PIGU: variants seen among roughly 807,000 people sequenced by gnomAD.
PIGU encodes GPI-anchor transamidase component PIGU.
A neutral mutation model predicts 49.9 loss-of-function variants in PIGU; 24 were observed. The ratio of observed to expected loss-of-function variants is 0.48; its 90% confidence interval spans 0.35 to 0.68. The LOEUF (loss-of-function observed/expected upper bound fraction) is 0.68. PIGU is among the 30% of genes least tolerant of loss of function. The probability of loss-of-function intolerance (pLI) is 0.01; values close to 1 mark genes in which losing one functional copy is unlikely to be tolerated. For missense variants in PIGU, 490 were observed against 532.6 expected, an observed-to-expected ratio of 0.92 and a Z score of 0.79; for synonymous variants, 220 against 205.7, an observed-to-expected ratio of 1.07 and a Z score of -0.59.
At chr20:34,564,387 G>C (rs1316805171) in intron 11 of PIGU, among the ~76,000 whole-genome samples, 1 of 152,222 alleles carries the variant, frequency 6.6e-6, no homozygotes, top group East Asian at 1.9e-4. Context: ...AAATGAACTA[G>C]CTGGGAATGG....
Position 34,590,609 on chromosome 20 carries a change from A to G in PIGU, c.628-2002T>C, listed in dbSNP as rs191511269. Among the ~76,000 whole-genome samples the G allele has an allele frequency of 3.9e-5, 6 of 151,964 alleles. No homozygotes were observed. In the East Asian group the frequency reaches 1.2e-3, roughly 29 times the overall value. ...AACATAACATAACATAACATAACATAACATAACATAACATAACATAACATA... is the reference window on the plus strand; with the variant it reads ...AACATAACATAACATAACATAACATGACATAACATAACATAACATAACATA... On this transcript the variant is annotated intron_variant, in intron 7 of 11. Coordinates refer to ENST00000217446, the MANE Select transcript of PIGU (RefSeq NM_080476.5).
In PIGU at chr20:34,631,362, G is replaced by C. The variant is rs76387400; in HGVS notation, c.529+3253C>G. On this transcript the variant is annotated intron_variant, in intron 6 of 11. Coordinates refer to ENST00000217446, the MANE Select transcript of PIGU (RefSeq NM_080476.5). ...AACATCCAATAAACATCCAAAACAA[G>C]AGGACAGAGAAAACAGAGGTAGAAT... Among the ~76,000 whole-genome samples the C allele has an allele frequency of 2.3e-3, 342 of 151,858 alleles. 10 individuals are homozygous for C. In the East Asian group the frequency reaches 0.062, roughly 27 times the overall value.
At chr20:34,581,472 T>G (rs1983459424) in intron 10 of PIGU, 76 bp downstream of exon 10, 1 of 1,561,042 alleles carries the variant, frequency 6.4e-7, no homozygotes, top group African/African-American at 1.4e-5. Flanking sequence ...TAAATGCCTA[T>G]GAATTCCTTT....
intron 5 of PIGU, among the ~76,000 whole-genome samples, chr20:34,635,252 A>G (rs1985922178): frequency 6.6e-6 from 1 of 152,230 alleles, no homozygotes; most frequent in Non-Finnish European, 1.5e-5. Flanking sequence ...CAGGCTCCTA[A>G]GCCCTGACAC....
chr20:34,601,586 C>T (rs1694556204), intron 7 of PIGU, among the ~76,000 whole-genome samples: 1 of 152,168 alleles, frequency 6.6e-6, no homozygotes, highest in South Asian at 2.1e-4. Context: ...GGGCATACAG[C>T]ACCTGCTCCA....
At chr20:34,592,183 C>T (rs1439080316) in intron 7 of PIGU, among the ~76,000 whole-genome samples, 2 of 144,112 alleles carry the variant, frequency 1.4e-5, no homozygotes, top group Non-Finnish European at 3.0e-5. Context: ...AGCAAGACTC[C>T]GTCTCAAAAA....
intron 4 of PIGU, among the ~76,000 whole-genome samples, chr20:34,639,046 T>C (rs1986063431): frequency 6.6e-6 from 1 of 152,196 alleles, no homozygotes; most frequent in African/African-American, 2.4e-5. Context: ...AAAAAGCAGA[T>C]CACACTAGAA....
Position 34,645,260 on chromosome 20 carries a change from T to C in PIGU, c.255+15A>G, listed in dbSNP as rs778716235. 4 of 1,551,324 alleles carry C rather than the reference T, an allele frequency of 2.6e-6. No individual in the cohort carries two copies. Among genetic ancestry groups the C allele is most frequent in the Admixed American group, 2.2e-5 (1 of 44,744 alleles). On this transcript the variant is annotated intron_variant, in intron 3 of 11. Coordinates refer to ENST00000217446, the MANE Select transcript of PIGU (RefSeq NM_080476.5). ...AAAATATATACATATCAATTTTATATGGAAGGTTACTTACCATAAACACCA... is the reference window on the plus strand; with the variant it reads ...AAAATATATACATATCAATTTTATACGGAAGGTTACTTACCATAAACACCA...
At chr20:34,668,483 AG>A (rs1260284257) in intron 1 of PIGU, among the ~76,000 whole-genome samples, 29 of 88,722 alleles carry the variant, frequency 3.3e-4, no homozygotes, top group African/African-American at 1.4e-3. Context: ...AAAAAAAAAA[AG>A]GGGGGGGCGG....
chr20:34,634,256 G>C (rs982853579), intron 6 of PIGU, among the ~76,000 whole-genome samples: 1 of 151,882 alleles, frequency 6.6e-6, no homozygotes, highest in Non-Finnish European at 1.5e-5. Flanking sequence ...ATGTTTTGCA[G>C]AGACAAGCTC....
intron 6 of PIGU, among the ~76,000 whole-genome samples, chr20:34,619,759 T>A (rs1985138742): frequency 6.6e-6 from 1 of 152,188 alleles, no homozygotes; most frequent in Non-Finnish European, 1.5e-5. Context: ...CAAATGGACT[T>A]GTGAGTTTTA....
intron 6 of PIGU, among the ~76,000 whole-genome samples, chr20:34,627,161 A>C (rs1985520669): frequency 6.6e-6 from 1 of 152,202 alleles, no homozygotes; most frequent in Non-Finnish European, 1.5e-5. Flanking sequence ...GTCCAACAAA[A>C]GAGAAGCGCT....
Position 34,585,493 on chromosome 20 carries a change from T to G in PIGU, c.870A>C (p.Val290=). ...AGAAGACGTTGATCTGAAACACACA[T>G]ACAAAGAAGAGGCTGAAGTGCTCAA... ...EMFEHFSLFF[V]CVFQINVFFY... Residue 290 remains valine, a synonymous_variant, in exon 9 of 12, where the codon GTA becomes GTC. Transcript: ENST00000217446. 1 of 1,613,658 alleles carries G rather than the reference T, an allele frequency of 6.2e-7. No homozygotes were observed. The highest frequency in any genetic ancestry group is 1.6e-4 in the Middle Eastern group (1 of 6,062).
chr20:34,638,687 A>G (rs6088552), intron 4 of PIGU, among the ~76,000 whole-genome samples: 59,351 of 152,008 alleles, frequency 0.39, 11,964 homozygotes, highest in Admixed American at 0.56. Context: ...GAGGAGGCGT[A>G]GAATGGCCAT....
At chr20:34,634,481 A>T (rs1032126740) in intron 6 of PIGU, 134 bp downstream of exon 6, 12 of 1,328,220 alleles carry the variant, frequency 9.0e-6, no homozygotes, top group Non-Finnish European at 9.7e-6. Context: ...ATAATCTTGT[A>T]TTACTTGTGT....
At chr20:34,673,287 G>A (rs1987373396) in intron 1 of PIGU, among the ~76,000 whole-genome samples, 1 of 150,384 alleles carries the variant, frequency 6.6e-6, no homozygotes, top group Admixed American at 6.6e-5. Flanking sequence ...AAAATGTCAT[G>A]TGAAACCAGA....
intron 6 of PIGU, among the ~76,000 whole-genome samples, chr20:34,618,803 A>G (rs1985102301): frequency 6.6e-6 from 1 of 152,108 alleles, no homozygotes; most frequent in Non-Finnish European, 1.5e-5. Flanking sequence ...AAAAATAAAA[A>G]TAACACATCC....
rs1983793617 is a variant in PIGU, at chr20:34,588,482, C to T, written c.753G>A (p.Trp251Ter). 2 of 1,613,876 alleles carry T rather than the reference C, an allele frequency of 1.2e-6. No individual in the cohort carries two copies. The highest frequency in any genetic ancestry group is 8.5e-7 in the Non-Finnish European group (1 of 1,179,900). Residue 251 changes from tryptophan (W) to a stop codon, truncating the protein, a stop_gained, in exon 8 of 12, where the codon TGG (tryptophan) becomes TGA (stop). Coordinates refer to ENST00000217446, the MANE Select transcript of PIGU (RefSeq NM_080476.5). LOFTEE classifies it high-confidence loss of function. The part of the protein sequence containing the change: ...ICLSFFLLSS[W>*]DFIPAVYGFI... ...AGCCATAGACTGCGGGGATGAAATC[C>T]CAAGAGCTGAGAAGGAAGAAGGAGA...
At chr20:34,631,184 T>A (rs1052740461) in intron 6 of PIGU, among the ~76,000 whole-genome samples, 1 of 151,700 alleles carries the variant, frequency 6.6e-6, no homozygotes, top group African/African-American at 2.4e-5. Flanking sequence ...TAAAAATGTA[T>A]AAAAATGTAA....
Sources: gnomAD v4.1 joint callset for allele counts (sites outside exome capture counted in the v4.1 genomes callset) on GRCh38, gnomAD v4.1.1 for gene constraint, MANE v1.5 for transcripts, NCBI Gene and HGNC (gene_info 2026-07-23, HGNC 2026-07-21) for gene names.